The following NDRG1 variants were observed in gnomAD, a reference collection of about 807,000 sequenced individuals.
The protein encoded by NDRG1 is N-myc downstream regulated 1.
A neutral mutation model predicts 56.9 loss-of-function variants in NDRG1; 32 were observed. That is an observed-to-expected ratio of 0.56 (90% CI 0.42 to 0.76). The LOEUF (loss-of-function observed/expected upper bound fraction) is 0.76, where lower values mean the gene tolerates loss of function less well. NDRG1 is among the 30% of genes least tolerant of loss of function. The pLI is 0.00. For missense variants in NDRG1, 507 were observed against 545.7 expected (o/e 0.93, Z 0.71); for synonymous variants, 211 against 204.1 (o/e 1.03, Z -0.29).
rs1429158526 is a variant in NDRG1 at position 133,250,576 on chromosome 8, T to C, written c.595-33A>G. ...TAGAGAGGTGAGAAGATGGTCCTCA[T>C]CGCACTGTGGCCCTGAGCTGGTCAC... On this transcript the variant is annotated intron_variant, in intron 9 of 15. Coordinates refer to ENST00000323851, the MANE Select transcript of NDRG1 (RefSeq NM_006096.4). 26 of 1,571,466 alleles carry C rather than the reference T, an allele frequency of 1.7e-5. No homozygotes were observed. The Admixed American group carries it at 4.3e-4, about 26-fold the overall frequency.
intron 5 of NDRG1, among the ~76,000 whole-genome samples, chr8:133,261,408 G>A (rs1856654028): frequency 6.6e-6 from 1 of 152,148 alleles, no homozygotes; most frequent in South Asian, 2.1e-4. Context: ...TGAGATTACA[G>A]GCATGAACCA....
At chr8:133,248,638 G>C in intron 11 of NDRG1, 77 bp downstream of exon 11, 1 of 1,520,688 alleles carries the variant, frequency 6.6e-7, no homozygotes, top group South Asian at 1.1e-5. Context: ...CACTCAGAAA[G>C]AAGGCCCTGC....
Position 133,237,533 on chromosome 8 carries a change from G to A in NDRG1, c.*1345C>T, listed in dbSNP as rs554339360. 1.3e-5 allele frequency: 3 copies of A among 233,226 alleles called. No homozygotes were observed. The highest frequency in any genetic ancestry group is 1.8e-4 in the South Asian group (1 of 5,532). 14.4% of individuals were successfully genotyped at this position (233,226 alleles called of 1,614,324 possible). A position where few individuals can be genotyped will look rare whatever the true frequency, so the allele number is the denominator to read the frequency against. On this transcript the variant is annotated 3_prime_UTR_variant, in exon 16 of 16. Coordinates refer to ENST00000323851, the MANE Select transcript of NDRG1 (RefSeq NM_006096.4). ...TACAAGGCAGTAGTACAGGAACCTG[G>A]CAGCCGCACTGGCCGCCCAGAAACG...
chr8:133,269,941 A>C (rs1168425529), intron 3 of NDRG1, among the ~76,000 whole-genome samples: 2 of 152,266 alleles, frequency 1.3e-5, no homozygotes, highest in Non-Finnish European at 2.9e-5. Flanking sequence ...TTTGTGAGGA[A>C]GTGTGCCAAC....
chr8:133,264,079 C>A (rs2929988), intron 4 of NDRG1, among the ~76,000 whole-genome samples: 100,212 of 151,504 alleles, frequency 0.66, 34,486 homozygotes, highest in African/African-American at 0.87. Context: ...AGCCAGTTAC[C>A]AAAAAAAAAT....
chr8:133,261,497 G>A (rs959002449), intron 5 of NDRG1, among the ~76,000 whole-genome samples: 5 of 152,158 alleles, frequency 3.3e-5, no homozygotes, highest in Non-Finnish European at 5.9e-5. Flanking sequence ...CTGGAAAATG[G>A]AGCTAACAAC....
intron 3 of NDRG1, among the ~76,000 whole-genome samples, chr8:133,268,888 C>CACAT (rs1554592942): frequency 1.3e-5 from 2 of 150,154 alleles, no homozygotes; most frequent in Non-Finnish European, 3.0e-5. Flanking sequence ...CACACACACA[C>CACAT]AACAAACACA....
At position 133,265,680 on chromosome 8, in the gene NDRG1, CCTTT is replaced by C. The variant is rs1434369897; in HGVS notation, c.100-1032_100-1029del. Among the ~76,000 whole-genome samples the C allele has an allele frequency of 6.6e-5, 10 of 152,256 alleles. No individual in the cohort carries two copies. The South Asian group carries it at 1.2e-3, about 19-fold the overall frequency. On this transcript the variant is annotated intron_variant, in intron 3 of 15. Coordinates refer to ENST00000323851, the MANE Select transcript of NDRG1 (RefSeq NM_006096.4). ...TTCCTAACAGCTGAAGACCTGCTCA[CCTTT>C]CTTCCTCTGGAAAACAAAAAAAAAA...
intron 1 of NDRG1, among the ~76,000 whole-genome samples, chr8:133,294,768 C>A (rs1040497486): frequency 6.6e-6 from 1 of 152,200 alleles, no homozygotes; most frequent in Non-Finnish European, 1.5e-5. Flanking sequence ...CTCTCAAGAA[C>A]ACCTGATTTA....
At chr8:133,277,603 T>G (rs548088907) in intron 3 of NDRG1, among the ~76,000 whole-genome samples, 1 of 152,168 alleles carries the variant, frequency 6.6e-6, no homozygotes, top group Admixed American at 6.5e-5. Flanking sequence ...GTTCTGAAAA[T>G]GGACGATAGT....
rs1407040416 is a variant in NDRG1 at position 133,241,803 on chromosome 8, C to T, written c.943+220G>A. On this transcript the variant is annotated intron_variant, in intron 15 of 15. Coordinates refer to ENST00000323851, the MANE Select transcript of NDRG1 (RefSeq NM_006096.4). The stretch of plus-strand genomic sequence containing the variant: ...CCCCAAAATCCCTGGTGTGAAACAA[C>T]TTCTATTCAACAAAGGAGGAAAAAT... 6.5e-6 allele frequency: 4 copies of T among 616,518 alleles called. No individual in the cohort carries two copies. In the East Asian group the frequency reaches 8.3e-5, roughly 13 times the overall value. 38.2% of individuals were successfully genotyped at this position (616,518 alleles called of 1,614,324 possible).
chr8:133,248,246 A>G (rs1855804318), intron 11 of NDRG1, among the ~76,000 whole-genome samples: 2 of 152,218 alleles, frequency 1.3e-5, no homozygotes, highest in African/African-American at 4.8e-5. Flanking sequence ...GACAAAGGCA[A>G]TGACGTGCCA....
At chr8:133,267,766 C>G (rs771192917) in intron 3 of NDRG1, among the ~76,000 whole-genome samples, 1 of 152,186 alleles carries the variant, frequency 6.6e-6, no homozygotes, top group Non-Finnish European at 1.5e-5. Context: ...TCCTACCACT[C>G]CCCAACCTCC....
intron 1 of NDRG1, among the ~76,000 whole-genome samples, chr8:133,292,825 C>G (rs112319055): frequency 6.6e-6 from 1 of 152,216 alleles, no homozygotes; most frequent in African/African-American, 2.4e-5. Flanking sequence ...AAAGATTAAA[C>G]TGCTGGGGAG....
chr8:133,246,384 C>G (rs1009122054), intron 13 of NDRG1, among the ~76,000 whole-genome samples: 11 of 152,222 alleles, frequency 7.2e-5, no homozygotes, highest in Admixed American at 2.0e-4. Context: ...CCCAAAGCCC[C>G]CAGACCAGCA....
At chr8:133,267,157 T>C (rs1856963378) in intron 3 of NDRG1, among the ~76,000 whole-genome samples, 2 of 152,098 alleles carry the variant, frequency 1.3e-5, no homozygotes, top group African/African-American at 2.4e-5. Flanking sequence ...AGCTCACTCA[T>C]GGACCAATCT....
At chr8:133,248,623 T>C (rs893742159) in intron 11 of NDRG1, 92 bp downstream of exon 11, 10 of 1,413,862 alleles carry the variant, frequency 7.1e-6, no homozygotes, top group Non-Finnish European at 1.0e-5. Flanking sequence ...CACAATGTCC[T>C]GCCACACTCA....
At chr8:133,251,360 A>G (rs967411030) in intron 9 of NDRG1, among the ~76,000 whole-genome samples, 1 of 152,236 alleles carries the variant, frequency 6.6e-6, no homozygotes, top group Non-Finnish European at 1.5e-5. Context: ...TGCATCAAAC[A>G]GTCCAGGATC....
rs767500485 is a variant in NDRG1, at chr8:133,248,726, T to C, written c.744A>G (p.Thr248=). 1 of 1,614,222 alleles carries C rather than the reference T, an allele frequency of 6.2e-7. No homozygotes were observed. The highest frequency in any genetic ancestry group is 1.1e-5 in the South Asian group (1 of 91,090). ...EIERPMPGTH[T]VTLQCPALLV... The stretch of plus-strand genomic sequence containing the variant: ...GAAAAGCCACTCACTGCAGGGTGAC[T>C]GTGTGGGTTCCCGGCATTGGTCGCT... Residue 248 remains threonine (T), a synonymous_variant, in exon 11 of 16, where the codon ACA becomes ACG. Coordinates refer to ENST00000323851, the MANE Select transcript of NDRG1 (RefSeq NM_006096.4).
Sources: allele counts gnomAD v4.1 joint callset (sites outside exome capture counted in the v4.1 genomes callset), GRCh38; gene constraint gnomAD v4.1.1; transcripts MANE v1.5; gene names NCBI Gene and HGNC (gene_info 2026-07-23, HGNC 2026-07-21).